PPP2R2B: variants seen among roughly 807,000 people sequenced by gnomAD.
The protein encoded by PPP2R2B is serine/threonine-protein phosphatase 2A 55 kDa regulatory subunit B beta isoform.
Under a neutral mutation model 46.0 loss-of-function variants are expected in PPP2R2B, and 5 were observed. The observed-to-expected ratio is 0.11, with a 90% confidence interval of 0.06 to 0.23. The LOEUF (loss-of-function observed/expected upper bound fraction) is 0.23. Among genes scored for constraint, PPP2R2B ranks in the 10% least tolerant of loss-of-function variants. PPP2R2B has a pLI of 1.00. For missense variants in PPP2R2B, 367 were observed against 575.0 expected, an observed-to-expected ratio of 0.64 and a Z score of 3.70; for synonymous variants, 215 against 206.7, an observed-to-expected ratio of 1.04 and a Z score of -0.34.
intron 5 of PPP2R2B, among the ~76,000 whole-genome samples, chr5:146,689,534 T>G (rs1778707967): frequency 6.6e-6 from 1 of 152,172 alleles, no homozygotes; most frequent in Non-Finnish European, 1.5e-5. Context: ...CCATCTAGGT[T>G]TGCATAAGTA....
intron 2 of PPP2R2B, among the ~76,000 whole-genome samples, chr5:146,789,554 C>T (rs897636297): frequency 1.3e-5 from 2 of 151,994 alleles, no homozygotes; most frequent in African/African-American, 4.8e-5. Context: ...TTGATTTACG[C>T]AAAGACATTT....
chr5:147,038,070 A>C (rs1358067489), intron 1 of PPP2R2B, among the ~76,000 whole-genome samples: 1 of 152,168 alleles, frequency 6.6e-6, no homozygotes, highest in African/African-American at 2.4e-5. Context: ...TACTTTTAGA[A>C]CCAAGGTTCT....
At chr5:146,707,375 C>T (rs1561847722) in intron 2 of PPP2R2B, 7 of 803,448 alleles carry the variant, frequency 8.7e-6, no homozygotes, top group South Asian at 1.3e-5. Context: ...TTGGGGTTCA[C>T]CTTCAGGTTA....
At chr5:146,619,424 C>G (rs1773490833) in intron 7 of PPP2R2B, among the ~76,000 whole-genome samples, 2 of 152,064 alleles carry the variant, frequency 1.3e-5, no homozygotes, top group South Asian at 4.2e-4. Context: ...AGATTGCACT[C>G]CAGCCTGGGT....
intron 1 of PPP2R2B, among the ~76,000 whole-genome samples, chr5:146,946,419 G>C (rs1017701222): frequency 2.0e-5 from 3 of 152,084 alleles, no homozygotes; most frequent in Non-Finnish European, 4.4e-5. Context: ...GTGTAAGTTA[G>C]AGTCTTTCAT....
At chr5:146,979,627 C>T (rs901923280) in intron 1 of PPP2R2B, among the ~76,000 whole-genome samples, 1 of 151,452 alleles carries the variant, frequency 6.6e-6, no homozygotes, top group African/African-American at 2.4e-5. Context: ...ACAGGGGATA[C>T]GTTCCAAGAC....
intron 5 of PPP2R2B, among the ~76,000 whole-genome samples, chr5:146,669,443 C>T (rs1777203688): frequency 6.6e-6 from 1 of 151,780 alleles, no homozygotes; most frequent in African/African-American, 2.4e-5. Flanking sequence ...CAAATGGCCC[C>T]TCATATTGTT....
intron 2 of PPP2R2B, among the ~76,000 whole-genome samples, chr5:146,833,911 T>A (rs921495140): frequency 1.3e-5 from 2 of 152,188 alleles, no homozygotes; most frequent in Non-Finnish European, 2.9e-5. Context: ...AAATTAAAGA[T>A]AACTCATCAT....
intron 1 of PPP2R2B, among the ~76,000 whole-genome samples, chr5:146,884,507 T>C (rs1762263824): frequency 6.6e-6 from 1 of 152,232 alleles, no homozygotes; most frequent in South Asian, 2.1e-4. Context: ...CAGGTTCTAT[T>C]GTGACCTTAG....
intron 2 of PPP2R2B, among the ~76,000 whole-genome samples, chr5:146,875,742 C>G (rs1317606016): frequency 6.6e-6 from 1 of 152,080 alleles, no homozygotes; most frequent in Non-Finnish European, 1.5e-5. Context: ...AATTCCCCAC[C>G]CAGTAAGAGG....
chr5:146,836,541 G>A (rs1292691102), intron 2 of PPP2R2B, among the ~76,000 whole-genome samples: 1 of 152,126 alleles, frequency 6.6e-6, no homozygotes, highest in East Asian at 1.9e-4. Flanking sequence ...CTGCTTTTCC[G>A]GGATGAATAC....
chr5:146,668,507 CA>C (rs1440751549), intron 5 of PPP2R2B, among the ~76,000 whole-genome samples: 2 of 152,160 alleles, frequency 1.3e-5, no homozygotes, highest in African/African-American at 4.8e-5. Context: ...ACTAGATCCT[CA>C]AACCATATTA....
At chr5:146,675,066 G>A (rs1443884928) in intron 5 of PPP2R2B, among the ~76,000 whole-genome samples, 2 of 152,108 alleles carry the variant, frequency 1.3e-5, no homozygotes, top group Non-Finnish European at 2.9e-5. Flanking sequence ...GGGTTCAAGT[G>A]ATTCTCGCAC....
At chr5:146,787,206 AGGGGAGCAGGCTGGAAG>A (rs1027163472) in intron 2 of PPP2R2B, among the ~76,000 whole-genome samples, 16 of 152,130 alleles carry the variant, frequency 1.1e-4, no homozygotes, top group African/African-American at 3.1e-4. Context: ...AATCTCCATG[AGGGGAGCAGGCTGGAAG>A]GGAAATATGG....
At chr5:146,838,547 G>T (rs1440117092) in intron 2 of PPP2R2B, among the ~76,000 whole-genome samples, 1 of 143,970 alleles carries the variant, frequency 6.9e-6, no homozygotes, top group Non-Finnish European at 1.5e-5. Context: ...CTCCTGCCCA[G>T]AGGACAAAGT....
chr5:146,898,233 T>A (rs572242272), intron 1 of PPP2R2B, among the ~76,000 whole-genome samples: 4 of 152,160 alleles, frequency 2.6e-5, no homozygotes, highest in Admixed American at 6.5e-5. Flanking sequence ...GTTGTAGATA[T>A]GCAGCATTAT....
Position 146,815,489 on chromosome 5 carries a change from G to T in PPP2R2B, c.70+62513C>A, listed in dbSNP as rs1757875366. ...AATAAATGATATTCACAGAATCAAA[G>T]GATTTAGAGTACCTACTAGGGGTGG... On this transcript the variant is annotated intron_variant, in intron 2 of 9. Coordinates refer to ENST00000394411, the MANE Select transcript of PPP2R2B (RefSeq NM_181675.4). 2.6e-5 allele frequency among the ~76,000 whole-genome samples: 4 copies of T among 152,218 alleles called. No individual in the cohort carries two copies. In the South Asian group the frequency reaches 8.3e-4, roughly 32 times the overall value.
chr5:146,590,037 C>T lies in PPP2R2B; in HGVS notation c.1242G>A (p.Lys414=). The T allele has an allele frequency of 6.2e-7, 1 of 1,614,178 alleles. No individual in the cohort carries two copies. The highest frequency in any genetic ancestry group is 1.7e-5 in the Admixed American group (1 of 60,016). ...ISVDSLDFSK[K]ILHTAWHPSE... The stretch of plus-strand genomic sequence containing the variant: ...AAGGATGCCAAGCTGTATGCAAGAT[C>T]TTTTTGCTAAAGTCCAGACTGTCGA... The change falls in exon 10 of 10, where the codon AAG becomes AAA. Residue 414 remains lysine (K), a synonymous_variant. Transcript: ENST00000394411.
At chr5:146,872,319 C>A (rs1467700893) in intron 2 of PPP2R2B, among the ~76,000 whole-genome samples, 1 of 152,222 alleles carries the variant, frequency 6.6e-6, no homozygotes, top group Non-Finnish European at 1.5e-5. Flanking sequence ...AAGGCAGCTA[C>A]TTCTCACCTC....
Sources: gnomAD v4.1 joint callset for allele counts (sites outside exome capture counted in the v4.1 genomes callset) on GRCh38, gnomAD v4.1.1 for gene constraint, MANE v1.5 for transcripts, NCBI Gene and HGNC (gene_info 2026-07-23, HGNC 2026-07-21) for gene names.